Variants in ADCY8 observed in about 807,000 individuals in gnomAD.
The protein encoded by ADCY8 is adenylate cyclase 8.
A neutral mutation model predicts 119.7 loss-of-function variants in ADCY8; 51 were observed. The ratio of observed to expected loss-of-function variants is 0.43; its 90% CI spans 0.34 to 0.54. The LOEUF (loss-of-function observed/expected upper bound fraction) is 0.54. Ranked by LOEUF, ADCY8 falls within the 20% of genes least tolerant of loss-of-function variation. The pLI, the probability that ADCY8 is intolerant of heterozygous loss-of-function variation, is 0.03. For missense variants in ADCY8, 1,383 were observed against 1,598.8 expected (o/e 0.87, Z 2.30); for synonymous variants, 665 against 651.0 (o/e 1.02, Z -0.33).
At chr8:130,853,394 T>A (rs866842177) in intron 9 of ADCY8, among the ~76,000 whole-genome samples, 2 of 152,224 alleles carry the variant, frequency 1.3e-5, no homozygotes, top group African/African-American at 4.8e-5. Flanking sequence ...TTTAATCTTT[T>A]GCAGCATCAT....
At chr8:130,855,681 G>A (rs1245561809) in intron 9 of ADCY8, among the ~76,000 whole-genome samples, 1 of 151,688 alleles carries the variant, frequency 6.6e-6, no homozygotes, top group Non-Finnish European at 1.5e-5. Flanking sequence ...CCAGTGCCAA[G>A]TCCAGATCCG....
chr8:131,013,344 G>A (rs773316664), intron 1 of ADCY8, among the ~76,000 whole-genome samples: 106 of 152,264 alleles, frequency 7.0e-4, no homozygotes, highest in Non-Finnish European at 1.2e-3. Context: ...AGAGCAGGGA[G>A]GGTGATCCTA....
At chr8:131,017,708 G>C (rs567397114) in intron 1 of ADCY8, among the ~76,000 whole-genome samples, 1 of 152,200 alleles carries the variant, frequency 6.6e-6, no homozygotes, top group East Asian at 1.9e-4. Context: ...GCCGACGATG[G>C]AGCCTACTAG....
chr8:130,810,737 T>C (rs930958100), intron 14 of ADCY8, among the ~76,000 whole-genome samples: 1 of 152,256 alleles, frequency 6.6e-6, no homozygotes, highest in African/African-American at 2.4e-5. Context: ...TAAATATTTA[T>C]AAAATCTCAA....
At chr8:130,949,925 C>T (rs1821220857) in intron 3 of ADCY8, among the ~76,000 whole-genome samples, 1 of 152,208 alleles carries the variant, frequency 6.6e-6, no homozygotes, top group Admixed American at 6.5e-5. Context: ...TTTGCAAACT[C>T]AAGCATCTAA....
chr8:130,932,730 C>T (rs529990884), intron 5 of ADCY8, among the ~76,000 whole-genome samples: 2 of 152,238 alleles, frequency 1.3e-5, no homozygotes, highest in African/African-American at 4.8e-5. Context: ...ACAAGAGAGT[C>T]CTATTTCATT....
chr8:130,954,727 A>G (rs767926454), intron 2 of ADCY8, among the ~76,000 whole-genome samples: 2 of 152,252 alleles, frequency 1.3e-5, no homozygotes, highest in African/African-American at 4.8e-5. Context: ...GAGCACCTAG[A>G]TCATAAATAG....
At chr8:130,810,128 G>A (rs1054202243) in intron 14 of ADCY8, among the ~76,000 whole-genome samples, 3 of 152,132 alleles carry the variant, frequency 2.0e-5, no homozygotes, top group Non-Finnish European at 1.5e-5. Context: ...GTGGTGCTTT[G>A]GGTGCTATTG....
At chr8:131,001,125 G>T (rs1322017837) in intron 1 of ADCY8, among the ~76,000 whole-genome samples, 1 of 152,100 alleles carries the variant, frequency 6.6e-6, no homozygotes, top group East Asian at 1.9e-4. Flanking sequence ...AAAAGCTAAG[G>T]CCCTGAGAGT....
intron 14 of ADCY8, among the ~76,000 whole-genome samples, chr8:130,811,587 C>T (rs911461234): frequency 6.6e-6 from 1 of 152,134 alleles, no homozygotes; most frequent in Non-Finnish European, 1.5e-5. Context: ...GCCTCTCAGA[C>T]AATCCATATT....
chr8:130,891,663 C>T (rs1819192694), intron 7 of ADCY8, among the ~76,000 whole-genome samples: 1 of 151,992 alleles, frequency 6.6e-6, no homozygotes, highest in Non-Finnish European at 1.5e-5. Flanking sequence ...AATTTTTTTC[C>T]CTCAAATCTG....
At chr8:130,922,146 A>G (rs1820327549) in intron 5 of ADCY8, among the ~76,000 whole-genome samples, 1 of 151,892 alleles carries the variant, frequency 6.6e-6, no homozygotes, top group Non-Finnish European at 1.5e-5. Context: ...GTCTCTCACT[A>G]GATATGGTCC....
At chr8:130,993,187 G>A (rs2130747337) in intron 1 of ADCY8, among the ~76,000 whole-genome samples, 1 of 152,228 alleles carries the variant, frequency 6.6e-6, no homozygotes, top group East Asian at 1.9e-4. Context: ...ATAATTTTTT[G>A]AAAAGGGCAT....
intron 5 of ADCY8, among the ~76,000 whole-genome samples, chr8:130,932,772 A>T (rs1295234309): frequency 6.6e-6 from 1 of 152,148 alleles, no homozygotes; most frequent in Non-Finnish European, 1.5e-5. Flanking sequence ...CCCTCTTTGA[A>T]ACCTGCCAAT....
intron 11 of ADCY8, among the ~76,000 whole-genome samples, chr8:130,845,729 T>G (rs1421612685): frequency 6.6e-6 from 1 of 152,158 alleles, no homozygotes; most frequent in Non-Finnish European, 1.5e-5. Flanking sequence ...TCCCATCCTG[T>G]CCTGCACATC....
At chr8:130,847,749 C>T (rs1033504886) in intron 10 of ADCY8, among the ~76,000 whole-genome samples, 4 of 152,076 alleles carry the variant, frequency 2.6e-5, no homozygotes, top group African/African-American at 9.7e-5. Context: ...GTAAGCCAGT[C>T]ATGAAACTAA....
rs530527814 is a variant in ADCY8 at position 130,894,951 on chromosome 8, T to A, written c.1911+8821A>T. Among the ~76,000 whole-genome samples the A allele has an allele frequency of 4.1e-4, 62 of 152,252 alleles. 1 individual carries two copies. Among genetic ancestry groups the A allele is most frequent in the Non-Finnish European group, 8.1e-4 (55 of 68,000 alleles). Reference sequence around the variant, plus strand: ...ACTGCGCTGTGTCAAACAATAAAAGTTATACTTGGTGGCAAAGAGATGAGA... The same window carrying A: ...ACTGCGCTGTGTCAAACAATAAAAGATATACTTGGTGGCAAAGAGATGAGA... On this transcript the variant is annotated intron_variant, in intron 7 of 17. Transcript: ENST00000286355.
At chr8:130,927,395 T>G (rs572948162) in intron 5 of ADCY8, among the ~76,000 whole-genome samples, 1 of 152,228 alleles carries the variant, frequency 6.6e-6, no homozygotes, top group African/African-American at 2.4e-5. Context: ...TACCTTCTTT[T>G]GAGAAATGTA....
chr8:130,849,871 T>C (rs1471031143), intron 9 of ADCY8, 68 bp from the exon 10 acceptor site: 2 of 1,430,980 alleles, frequency 1.4e-6, no homozygotes, highest in East Asian at 2.4e-5. Flanking sequence ...ATTCTATTCC[T>C]GGTCTTCCTT....
Sources: allele counts gnomAD v4.1 joint callset (sites outside exome capture counted in the v4.1 genomes callset), GRCh38; gene constraint gnomAD v4.1.1; transcripts MANE v1.5; gene names NCBI Gene and HGNC (gene_info 2026-07-23, HGNC 2026-07-21).